MUC3A: variants seen among roughly 807,000 people sequenced by gnomAD.
MUC3A encodes mucin 3A, cell surface associated.
A neutral mutation model predicts 109.0 loss-of-function variants in MUC3A; 109 were observed. That is an observed-to-expected ratio of 1.00 (90% CI 0.86 to 1.17). The LOEUF is 1.17. Among genes scored for constraint, MUC3A ranks in the 50% most tolerant of loss-of-function variants. The pLI is 0.00. For synonymous variants in MUC3A, 1,398 were observed against 981.4 expected (o/e 1.42, Z -7.93); for missense variants, 3,537 against 2,469.4 (o/e 1.43, Z -9.16).
At chr7:100,963,101 C>T in intron 3 of MUC3A, 50 bp from the exon 4 acceptor site, 1 of 1,575,502 alleles carries the variant, frequency 6.3e-7, no homozygotes, top group South Asian at 1.1e-5. Context: ...TTGGTGGCTT[C>T]AGACAAAAGC....
In MUC3A at chr7:100,949,547, G is replaced by A. The variant is rs1465322751; in HGVS notation, c.-78G>A. 1.4e-5 allele frequency: 17 copies of A among 1,247,218 alleles called. No individual in the cohort carries two copies. In the East Asian group the frequency reaches 4.2e-4, roughly 31 times the overall value. 77.3% of individuals were successfully genotyped at this position (1,247,218 alleles called of 1,614,324 possible). A position where few individuals can be genotyped will look rare whatever the true frequency, so the allele number is the denominator to read the frequency against. On this transcript the variant is annotated 5_prime_UTR_variant, in exon 1 of 12. Transcript: ENST00000379458. Reference sequence around the variant, plus strand: ...CCGATAACCAGCACTTTCATTACGTGCACGCCCCAGGGCCACGTCCCTGCC... The same window carrying A: ...CCGATAACCAGCACTTTCATTACGTACACGCCCCAGGGCCACGTCCCTGCC...
At position 100,949,644 on chromosome 7, in the gene MUC3A, T is replaced by C; in HGVS notation, c.20T>C (p.Leu7Pro). MQLLGL[L>P]GLLWMLKASP... is the part of the protein sequence containing the mutation. ...GGGCCCATGCAGCTGTTGGGGCTCC[T>C]CGGCCTCCTCTGGATGCTCAAGGCC... Residue 7 changes from leucine to proline, a missense_variant, in exon 1 of 12, where the codon CTC becomes CCC. Leu to Pro is a moderately conservative substitution (Grantham distance 98). Transcript: ENST00000379458. The C allele has an allele frequency of 1.3e-6, 2 of 1,556,628 alleles. No individual in the cohort carries two copies. The highest frequency in any genetic ancestry group is 1.7e-6 in the Non-Finnish European group (2 of 1,158,632).
Position 100,954,236 on chromosome 7 carries a change from T to C in MUC3A, c.2457T>C (p.Pro819=), listed in dbSNP as rs959517664. The change falls in exon 2 of 12, where the codon CCT becomes CCC. Residue 819 remains proline, a synonymous_variant. Transcript: ENST00000379458. ...MISSTVSTGI[P]TSQPTTITPS... is the part of the protein sequence containing the mutation. Reference sequence around the variant, plus strand: ...CATCTACTGTGAGTACAGGTATCCCTACCTCACAACCAACAACCATCACTC... The same window carrying C: ...CATCTACTGTGAGTACAGGTATCCCCACCTCACAACCAACAACCATCACTC... 3.0e-5 allele frequency: 14 copies of C among 466,692 alleles called. No individual in the cohort carries two copies. The East Asian group carries it at 4.0e-4, about 13-fold the overall frequency. 28.9% of individuals were successfully genotyped at this position (466,692 alleles called of 1,614,324 possible). A position where few individuals can be genotyped will look rare whatever the true frequency, so the allele number is the denominator to read the frequency against.
Position 100,954,127 on chromosome 7 carries a change from A to G in MUC3A, c.2348A>G (p.Tyr783Cys), listed in dbSNP as rs1792041659. 2 of 582,256 alleles carry G rather than the reference A, an allele frequency of 3.4e-6. No individual in the cohort carries two copies. The highest frequency in any genetic ancestry group is 6.0e-6 in the Non-Finnish European group (2 of 331,124). 36.1% of individuals were successfully genotyped at this position (582,256 alleles called of 1,614,324 possible). Residue 783 changes from tyrosine to cysteine, a missense_variant, in exon 2 of 12, where the codon TAC becomes TGC. Tyr to Cys is a radical substitution (Grantham distance 194). Transcript: ENST00000379458. ...STTSFTSSTV[Y>C]STASTYTTAI... ...ACCAGCTTCACTTCTTCAACCGTCT[A>G]CTCCACAGCCAGCACATACACAACT...
chr7:100,962,797 TTCTC>T (rs67170949), intron 3 of MUC3A, among the ~76,000 whole-genome samples: 31 of 143,394 alleles, frequency 2.2e-4, no homozygotes, highest in East Asian at 2.0e-3. Context: ...CTTTCTTTCT[TTCTC>T]TCTCTCTCTC....
Position 100,958,792 on chromosome 7 carries a change from C to T in MUC3A, c.7013C>T (p.Thr2338Ile), listed in dbSNP as rs36133678. 6.7e-7 allele frequency: 1 copy of T among 1,495,052 alleles called. No individual in the cohort carries two copies. The highest frequency in any genetic ancestry group is 9.0e-7 in the Non-Finnish European group (1 of 1,110,340). 92.6% of individuals were successfully genotyped at this position (1,495,052 alleles called of 1,614,324 possible). A position where few individuals can be genotyped will look rare whatever the true frequency, so the allele number is the denominator to read the frequency against. ...ITTTETTSHN[T>I]RSFTSSITTT... ...ACCACCGAGACCACCTCACACAATA[C>T]TCGCAGCTTCACTTCTTCGATCACC... is the stretch of plus-strand genomic sequence containing the variant. The change falls in exon 2 of 12, where the codon ACT becomes ATT. Residue 2338 changes from threonine (T) to isoleucine (I), a missense_variant. Coordinates refer to ENST00000379458, the MANE Select transcript of MUC3A (RefSeq NM_005960.2).
At position 100,958,406 on chromosome 7, in the gene MUC3A, C is replaced by G. The variant is rs1792162413; in HGVS notation, c.6627C>G (p.Ile2209Met). The change falls in exon 2 of 12, where the codon ATC becomes ATG. Residue 2209 changes from isoleucine (I) to methionine (M), a missense_variant. By Grantham distance (10) the Ile-to-Met change is conservative. Transcript: ENST00000379458. ...GTACTCCCAGCTACATTACCTCAAT[C>G]ACCACCACCGAGACCCCCTCAAGCA... is the stretch of plus-strand genomic sequence containing the variant. Reference protein sequence around the residue: ...SHSTPSYITSITTTETPSSST... With the variant: ...SHSTPSYITSMTTTETPSSST... The G allele has an allele frequency of 1.5e-4, 31 of 213,692 alleles. No homozygotes were observed. Among genetic ancestry groups the G allele is most frequent in the African/African-American group, 4.8e-4 (4 of 8,260 alleles). The allele number at this position is 213,692 out of a possible 1,614,324, so 13.2% of individuals were successfully genotyped here.
Position 100,958,773 on chromosome 7 carries a change from G to A in MUC3A, c.6994G>A (p.Glu2332Lys), listed in dbSNP as rs554159556. The A allele has an allele frequency of 6.1e-5, 78 of 1,270,446 alleles. No individual in the cohort carries two copies. In the African/African-American group the frequency reaches 2.0e-3, roughly 32 times the overall value. The allele number at this position is 1,270,446 out of a possible 1,614,324, so 78.7% of individuals were successfully genotyped here. The change falls in exon 2 of 12, where the codon GAG (glutamate) becomes AAG (lysine). Residue 2332 changes from glutamate to lysine, a missense_variant. By Grantham distance (56) the Glu-to-Lys change is moderately conservative. Transcript: ENST00000379458. ...HSFTSSITTTETTSHNTRSFT... is the reference protein window; with the variant it reads ...HSFTSSITTTKTTSHNTRSFT... ...CTTCACTTCTTCGATCACCACCACCGAGACCACCTCACACAATACTCGCAG... is the reference window on the plus strand; with the variant it reads ...CTTCACTTCTTCGATCACCACCACCAAGACCACCTCACACAATACTCGCAG...
At position 100,951,848 on chromosome 7, in the gene MUC3A, A is replaced by C. The variant is rs1791951937; in HGVS notation, c.69A>C (p.Leu23Phe). 1 of 1,596,224 alleles carries C rather than the reference A, an allele frequency of 6.3e-7. No homozygotes were observed. The highest frequency in any genetic ancestry group is 2.2e-5 in the East Asian group (1 of 44,782). Reference protein sequence around the residue: ...LKASPWATGTLSTATSISQVP... With the variant: ...LKASPWATGTFSTATSISQVP... The stretch of plus-strand genomic sequence containing the variant: ...GCTCTGCCGCCAATGCAGGAACTTT[A>C]TCCACGGCCACATCCATCTCTCAAG... Residue 23 changes from leucine (L) to phenylalanine (F), a missense_variant, in exon 2 of 12, where the codon TTA (leucine) becomes TTC (phenylalanine). Transcript: ENST00000379458.
chr7:100,950,175 C>T (rs1216647970), intron 1 of MUC3A, among the ~76,000 whole-genome samples: 38 of 152,328 alleles, frequency 2.5e-4, no homozygotes, highest in African/African-American at 7.7e-4. Context: ...GCCTTTTGTC[C>T]CCCGGCGGCT....
chr7:100,955,741 C>T lies in MUC3A; in HGVS notation c.3962C>T (p.Ala1321Val), dbSNP rs1792079380. Residue 1321 changes from alanine (A) to valine (V), a missense_variant, in exon 2 of 12, where the codon GCC becomes GTC. Transcript: ENST00000379458. ...ACAATCCACACAACAGCTGAATCCGCCCTGGCACCCACTACCACCACCTCA... is the reference window on the plus strand; with the variant it reads ...ACAATCCACACAACAGCTGAATCCGTCCTGGCACCCACTACCACCACCTCA... ...TNTIHTTAES[A>V]LAPTTTTSFT... 4.8e-6 allele frequency: 2 copies of T among 420,114 alleles called. No homozygotes were observed. Among genetic ancestry groups the T allele is most frequent in the Non-Finnish European group, 4.2e-6 (1 of 240,488 alleles). The allele number at this position is 420,114 out of a possible 1,614,324, so 26.0% of individuals were successfully genotyped here. A position where few individuals can be genotyped will look rare whatever the true frequency, so the allele number is the denominator to read the frequency against.
chr7:100,961,290 T>G (rs976745662), intron 3 of MUC3A, among the ~76,000 whole-genome samples: 4 of 152,312 alleles, frequency 2.6e-5, no homozygotes, highest in Non-Finnish European at 5.9e-5. Flanking sequence ...TGGGTGTCAC[T>G]GGGCTGAAAT....
At chr7:100,963,865 G>A in intron 5 of MUC3A, 113 bp downstream of exon 5, 3 of 1,473,160 alleles carry the variant, frequency 2.0e-6, no homozygotes, top group South Asian at 2.4e-5. Flanking sequence ...AGGGGTGGAG[G>A]GGGTACATAA....
chr7:100,958,147 G>A lies in MUC3A; in HGVS notation c.6368G>A (p.Ser2123Asn), dbSNP rs1792151205. Reference protein sequence around the residue: ...SITTSEMPSHSTPSFTSSITT... With the variant: ...SITTSEMPSHNTPSFTSSITT... ...ACCACCTCTGAGATGCCCTCACACA[G>A]TACTCCCAGCTTCACTTCTTCGATC... The change falls in exon 2 of 12, where the codon AGT becomes AAT. Residue 2123 changes from serine (S) to asparagine (N), a missense_variant. Ser to Asn is a conservative substitution (Grantham distance 46). Coordinates refer to ENST00000379458, the MANE Select transcript of MUC3A (RefSeq NM_005960.2). The A allele has an allele frequency of 1.4e-4, 174 of 1,220,596 alleles. 1 individual carries two copies. The highest frequency in any genetic ancestry group is 3.2e-4 in the African/African-American group (17 of 53,430). The allele number at this position is 1,220,596 out of a possible 1,614,324, so 75.6% of individuals were successfully genotyped here.
chr7:100,963,225 TC>T lies in MUC3A; in HGVS notation c.9130del (p.Gln3044ArgfsTer34). On this transcript the variant is annotated frameshift_variant, in exon 4 of 12. Coordinates refer to ENST00000379458, the MANE Select transcript of MUC3A (RefSeq NM_005960.2). LOFTEE classifies it high-confidence loss of function. The part of the protein sequence containing the change: ...QFSPDLNDNT[S>X]QAYRDFNKTF... ...CTCGCCGGACCTCAATGACAACACT[TC>T]CCAGGCCTACAGGGATTTCAACAAG... is the stretch of plus-strand genomic sequence containing the variant. 1 of 1,598,326 alleles carries T rather than the reference TC, an allele frequency of 6.3e-7. No individual in the cohort carries two copies.
chr7:100,957,613 T>C lies in MUC3A; in HGVS notation c.5834T>C (p.Ile1945Thr). 6.7e-7 allele frequency: 1 copy of C among 1,502,970 alleles called. No individual in the cohort carries two copies. The highest frequency in any genetic ancestry group is 1.2e-5 in the South Asian group (1 of 83,566). The allele number at this position is 1,502,970 out of a possible 1,614,324, so 93.1% of individuals were successfully genotyped here. The change falls in exon 2 of 12, where the codon ATC becomes ACC. Residue 1945 changes from isoleucine (I) to threonine (T), a missense_variant. Ile to Thr is a moderately conservative substitution (Grantham distance 89). Transcript: ENST00000379458. ...AGTACTCCCAGATTCACTTCTTCAATCACCAATACCAAGACCACCTCACAC... is the reference window on the plus strand; with the variant it reads ...AGTACTCCCAGATTCACTTCTTCAACCACCAATACCAAGACCACCTCACAC... ...SHSTPRFTSS[I>T]TNTKTTSHSS...
Position 100,960,081 on chromosome 7 carries a change from C to G in MUC3A, c.8302C>G (p.Pro2768Ala). The G allele has an allele frequency of 2.0e-6, 3 of 1,517,462 alleles. No individual in the cohort carries two copies. The highest frequency in any genetic ancestry group is 2.6e-6 in the Non-Finnish European group (3 of 1,142,548). The allele number at this position is 1,517,462 out of a possible 1,614,324, so 94.0% of individuals were successfully genotyped here. ...TTATATTTCCCTTCCCTCCACCACA[C>G]CCTGTCCAGGAACTATAACAATTAC... ...FSYISLPSTT[P>A]CPGTITITIV... The change falls in exon 2 of 12, where the codon CCC becomes GCC. Residue 2768 changes from proline (P) to alanine (A), a missense_variant. Pro to Ala is a conservative substitution (Grantham distance 27). Transcript: ENST00000379458.
In MUC3A at chr7:100,960,322, G is replaced by T; in HGVS notation, c.8543G>T (p.Ser2848Ile). 1 of 1,598,550 alleles carries T rather than the reference G, an allele frequency of 6.3e-7. No individual in the cohort carries two copies. The highest frequency in any genetic ancestry group is 1.3e-5 in the African/African-American group (1 of 75,084). Residue 2848 changes from serine (S) to isoleucine (I), a missense_variant, in exon 2 of 12, where the codon AGT (serine) becomes ATT (isoleucine). By Grantham distance (142) the Ser-to-Ile change is moderately radical. Transcript: ENST00000379458. ...TCCAGCATCTCACCCAATGCTTCCA[G>T]TTCCACTGGCACTGGGACTGTACCC... ...SESSISPNAS[S>I]STGTGTVPTN...
Position 100,960,513 on chromosome 7 carries a change from C to T in MUC3A, c.8734C>T (p.Pro2912Ser), listed in dbSNP as rs1243288021. The change falls in exon 2 of 12, where the codon CCC becomes TCC. Residue 2912 changes from proline (P) to serine (S), a missense_variant. Coordinates refer to ENST00000379458, the MANE Select transcript of MUC3A (RefSeq NM_005960.2). ...GAGGACTTCAAGCAAGTCAACACAC[C>T]CCTCCCCACCCACCACTAGGACTTC... is the stretch of plus-strand genomic sequence containing the variant. ...ILRTSSKSTH[P>S]SPPTTRTSET... 3.1e-6 allele frequency: 5 copies of T among 1,598,584 alleles called. No individual in the cohort carries two copies. Among genetic ancestry groups the T allele is most frequent in the South Asian group, 1.1e-5 (1 of 91,096 alleles).
Sources: gnomAD v4.1 joint callset for allele counts (sites outside exome capture counted in the v4.1 genomes callset) on GRCh38, gnomAD v4.1.1 for gene constraint, MANE v1.5 for transcripts, NCBI Gene and HGNC (gene_info 2026-07-23, HGNC 2026-07-21) for gene names.